DNAH14: variants seen among roughly 807,000 people sequenced by gnomAD.
DNAH14 encodes dynein axonemal heavy chain 14.
A neutral mutation model predicts 520.9 loss-of-function variants in DNAH14; 478 were observed. The ratio of observed to expected loss-of-function variants is 0.92; its 90% confidence interval spans 0.85 to 0.99. The LOEUF is 0.99. Ranked by LOEUF, DNAH14 falls within the 50% of genes least tolerant of loss-of-function variation. The pLI, the probability that DNAH14 is intolerant of heterozygous loss-of-function variation, is 0.00. For missense variants in DNAH14, 4,831 were observed against 5,234.5 expected (o/e 0.92, Z 2.38); for synonymous variants, 1,581 against 1,757.2 (o/e 0.90, Z 2.51).
intron 27 of DNAH14, among the ~76,000 whole-genome samples, chr1:225,127,426 CTCT>C (rs2077856928): frequency 6.6e-6 from 1 of 151,976 alleles, no homozygotes; most frequent in African/African-American, 2.4e-5. Flanking sequence ...GGATAGTTAG[CTCT>C]TCTTGTTGAA....
chr1:225,054,566 A>G (rs187254609), intron 17 of DNAH14, among the ~76,000 whole-genome samples: 1 of 152,246 alleles, frequency 6.6e-6, no homozygotes, highest in Admixed American at 6.5e-5. Context: ...TATCAGACAT[A>G]CATAAATCCT....
At chr1:225,373,970 T>C (rs1167885506) in intron 77 of DNAH14, among the ~76,000 whole-genome samples, 1 of 149,154 alleles carries the variant, frequency 6.7e-6, no homozygotes, top group African/African-American at 2.5e-5. Flanking sequence ...TACAAAAAAA[T>C]ACAAAAATTA....
chr1:224,945,180 C>A (rs1468034967), intron 1 of DNAH14, among the ~76,000 whole-genome samples: 1 of 152,144 alleles, frequency 6.6e-6, no homozygotes, highest in Non-Finnish European at 1.5e-5. Flanking sequence ...TTCTTGGAAT[C>A]TTTGTTCATT....
At chr1:225,236,118 A>AT (rs2091560774) in intron 42 of DNAH14, among the ~76,000 whole-genome samples, 1 of 151,664 alleles carries the variant, frequency 6.6e-6, no homozygotes, top group African/African-American at 2.4e-5. Context: ...TTTAGTTGTG[A>AT]TGGTAGTGTG....
intron 64 of DNAH14, among the ~76,000 whole-genome samples, chr1:225,330,674 G>A (rs2094777115): frequency 6.6e-6 from 1 of 152,124 alleles, no homozygotes; most frequent in South Asian, 2.1e-4. Context: ...TAGTGGGAAG[G>A]TATGAGGAAG....
intron 41 of DNAH14, among the ~76,000 whole-genome samples, chr1:225,215,263 T>C (rs1265773570): frequency 6.6e-6 from 1 of 152,234 alleles, no homozygotes; most frequent in Non-Finnish European, 1.5e-5. Flanking sequence ...TTCACTGTGG[T>C]CTGAGAGGTA....
chr1:225,297,268 T>G (rs2094029813), intron 55 of DNAH14, among the ~76,000 whole-genome samples: 1 of 152,164 alleles, frequency 6.6e-6, no homozygotes, highest in South Asian at 2.1e-4. Context: ...CCATAAACTA[T>G]CTTCCTGATT....
intron 15 of DNAH14, among the ~76,000 whole-genome samples, chr1:225,045,391 A>G (rs1409866522): frequency 3.9e-5 from 6 of 152,096 alleles, no homozygotes; most frequent in Admixed American, 6.6e-5. Context: ...AATTAATATT[A>G]GTATAATAGT....
intron 75 of DNAH14, among the ~76,000 whole-genome samples, chr1:225,364,284 C>G (rs903517513): frequency 2.0e-5 from 3 of 152,178 alleles, no homozygotes; most frequent in Admixed American, 6.5e-5. Flanking sequence ...TAATTTTTGA[C>G]TGAATTACTA....
chr1:225,043,031 T>C lies in DNAH14; in HGVS notation c.1685T>C (p.Val562Ala). ...DEMSENKDNC[V>A]KKHSSEELLP... ...ATGTCAGAAAATAAAGACAATTGTG[T>C]CAAAAAACACTCAAGTGAAGAATTG... Residue 562 changes from valine (V) to alanine (A), a missense_variant, in exon 13 of 86, where the codon GTC becomes GCC. Transcript: ENST00000682510. The C allele has an allele frequency of 6.4e-7, 1 of 1,551,350 alleles. No homozygotes were observed. Among genetic ancestry groups the C allele is most frequent in the Non-Finnish European group, 8.7e-7 (1 of 1,146,876 alleles).
chr1:224,970,990 A>G (rs575058569), intron 7 of DNAH14, among the ~76,000 whole-genome samples: 2 of 152,338 alleles, frequency 1.3e-5, no homozygotes, highest in African/African-American at 4.8e-5. Context: ...ATAATAGAAA[A>G]CATGCAAATA....
chr1:225,289,125 A>G (rs1241765061), intron 54 of DNAH14, among the ~76,000 whole-genome samples: 1 of 152,196 alleles, frequency 6.6e-6, no homozygotes, highest in Admixed American at 6.6e-5. Flanking sequence ...AGCAATAAAA[A>G]GGAACAAACT....
intron 10 of DNAH14, among the ~76,000 whole-genome samples, chr1:225,017,235 A>C (rs1416107022): frequency 6.6e-6 from 1 of 152,196 alleles, no homozygotes; most frequent in Non-Finnish European, 1.5e-5. Flanking sequence ...TATAAGTGAG[A>C]CACCAAACTT....
At chr1:225,220,174 A>G (rs1574086111) in intron 41 of DNAH14, among the ~76,000 whole-genome samples, 1 of 152,204 alleles carries the variant, frequency 6.6e-6, no homozygotes, top group South Asian at 2.1e-4. Context: ...AATAAGAGCT[A>G]TTTATGACAA....
chr1:225,197,158 A>C (rs1164736821), intron 38 of DNAH14, among the ~76,000 whole-genome samples: 1 of 151,986 alleles, frequency 6.6e-6, no homozygotes. Context: ...ATTTTGTAGA[A>C]TTTTTATGGT....
At chr1:225,031,193 G>A (rs138868014) in intron 11 of DNAH14, among the ~76,000 whole-genome samples, 27 of 152,032 alleles carry the variant, frequency 1.8e-4, no homozygotes, top group Admixed American at 1.6e-3. Context: ...AAAGAAATGC[G>A]GTTGATTTTG....
chr1:225,357,182 A>G (rs1414508141), intron 73 of DNAH14, among the ~76,000 whole-genome samples: 1 of 152,128 alleles, frequency 6.6e-6, no homozygotes, highest in Admixed American at 6.5e-5. Flanking sequence ...AAAAGAGGGG[A>G]TGAAAGAGGA....
chr1:225,089,442 C>CAA (rs1169182387), intron 21 of DNAH14, among the ~76,000 whole-genome samples: 3,052 of 28,778 alleles, frequency 0.11, 250 homozygotes, highest in African/African-American at 0.22. Flanking sequence ...AAAACTCCGT[C>CAA]AAAAAAAAAA....
At chr1:225,194,708 C>T (rs996612137) in intron 38 of DNAH14, among the ~76,000 whole-genome samples, 1 of 152,002 alleles carries the variant, frequency 6.6e-6, no homozygotes, top group Non-Finnish European at 1.5e-5. Context: ...GAAAAAAAGG[C>T]TATCAACAGA....
Sources: allele counts gnomAD v4.1 joint callset (sites outside exome capture counted in the v4.1 genomes callset), GRCh38; gene constraint gnomAD v4.1.1; transcripts MANE v1.5; gene names NCBI Gene and HGNC (gene_info 2026-07-23, HGNC 2026-07-21).